The following GALNT17 variants were observed in gnomAD, a reference collection of about 807,000 sequenced individuals.
GALNT17 encodes the protein UDP-GalNAc:polypeptide N-acetylgalactosaminyltransferase-like 3.
GALNT17 carries 29 observed loss-of-function variants against 63.7 expected under a neutral mutation model. That is an observed-to-expected ratio of 0.46 (90% CI 0.34 to 0.62). The LOEUF (loss-of-function observed/expected upper bound fraction) is 0.62, where lower values mean the gene tolerates loss of function less well. GALNT17 is among the 20% of genes least tolerant of loss of function. The pLI is 0.01. For synonymous variants in GALNT17, 305 were observed against 318.3 expected (o/e 0.96, Z 0.45); for missense variants, 603 against 799.6 (o/e 0.75, Z 2.97).
chr7:71,271,949 G>C (rs544500506), intron 1 of GALNT17, among the ~76,000 whole-genome samples: 1 of 152,136 alleles, frequency 6.6e-6, no homozygotes, highest in Non-Finnish European at 1.5e-5. Context: ...TGTAGAGATG[G>C]GGTCTCCCTA....
chr7:71,305,125 A>G lies in GALNT17; in HGVS notation c.239-30425A>G, dbSNP rs555359237. On this transcript the variant is annotated intron_variant, in intron 1 of 10. Transcript: ENST00000333538. ...GATGTAGCTATAGATACAATTACAG[A>G]TATAGTTATGGATATATAAAATTAA... is the stretch of plus-strand genomic sequence containing the variant. 5.4e-4 allele frequency among the ~76,000 whole-genome samples: 83 copies of G among 152,328 alleles called. 2 individuals are homozygous for G. In the South Asian group the frequency reaches 0.017, roughly 31 times the overall value.
chr7:71,250,963 C>T (rs1280859200), intron 1 of GALNT17, among the ~76,000 whole-genome samples: 1 of 152,186 alleles, frequency 6.6e-6, no homozygotes, highest in Non-Finnish European at 1.5e-5. Flanking sequence ...GTGTAATAGT[C>T]CTGCTATCTT....
intron 6 of GALNT17, among the ~76,000 whole-genome samples, chr7:71,659,172 C>T (rs535273605): frequency 6.6e-6 from 1 of 152,252 alleles, no homozygotes; most frequent in Non-Finnish European, 1.5e-5. Context: ...CCACTATTCT[C>T]CTCTCTTCCA....
intron 2 of GALNT17, among the ~76,000 whole-genome samples, chr7:71,353,717 C>T: frequency 6.6e-6 from 1 of 152,174 alleles, no homozygotes; most frequent in East Asian, 1.9e-4. Flanking sequence ...GGAAAAAATT[C>T]AGAAGAATGT....
chr7:71,565,823 A>AT (rs35668413), intron 5 of GALNT17, among the ~76,000 whole-genome samples: 2,155 of 143,874 alleles, frequency 0.015, 19 homozygotes, highest in Middle Eastern at 0.027. Context: ...AAGAAGCTGC[A>AT]TTTTTTTTTC....
chr7:71,192,170 G>A (rs1294903085), intron 1 of GALNT17, among the ~76,000 whole-genome samples: 1 of 152,022 alleles, frequency 6.6e-6, no homozygotes, highest in East Asian at 1.9e-4. Flanking sequence ...CAGCAAGTCA[G>A]CCTCTCCCAC....
intron 1 of GALNT17, among the ~76,000 whole-genome samples, chr7:71,211,394 T>C (rs1425226906): frequency 6.6e-6 from 1 of 152,228 alleles, no homozygotes; most frequent in Non-Finnish European, 1.5e-5. Context: ...ATTCTGAGGC[T>C]TCCCCAGCCA....
chr7:71,450,852 G>A lies in GALNT17; in HGVS notation c.962+29747G>A, dbSNP rs375442130. Among the ~76,000 whole-genome samples, 48 of 152,176 alleles carry A rather than the reference G, an allele frequency of 3.2e-4. 2 individuals carry two copies. The South Asian group carries it at 1.0e-2, about 32-fold the overall frequency. On this transcript the variant is annotated intron_variant, in intron 5 of 10. Transcript: ENST00000333538. The stretch of plus-strand genomic sequence containing the variant: ...TTTTCTAAGAGCATTATATAAGCTT[G>A]GAGAAAATGATAAACTTTTAAATTT...
At chr7:71,487,972 A>G (rs1445835909) in intron 5 of GALNT17, among the ~76,000 whole-genome samples, 1 of 152,084 alleles carries the variant, frequency 6.6e-6, no homozygotes, top group Non-Finnish European at 1.5e-5. Context: ...GTTTGAGACC[A>G]GCCTAGACAA....
chr7:71,373,688 T>C (rs1792669620), intron 2 of GALNT17, among the ~76,000 whole-genome samples: 1 of 152,208 alleles, frequency 6.6e-6, no homozygotes, highest in Non-Finnish European at 1.5e-5. Flanking sequence ...TTTCATAGGC[T>C]GCACACTCCT....
chr7:71,690,278 C>A (rs1355287972), intron 9 of GALNT17, among the ~76,000 whole-genome samples: 1 of 151,946 alleles, frequency 6.6e-6, no homozygotes, highest in Non-Finnish European at 1.5e-5. Flanking sequence ...CCCTTCTTGG[C>A]CTCCCAAAGT....
intron 6 of GALNT17, among the ~76,000 whole-genome samples, chr7:71,619,687 T>C: frequency 6.6e-6 from 1 of 152,220 alleles, no homozygotes; most frequent in Non-Finnish European, 1.5e-5. Flanking sequence ...TCAAGGAGCC[T>C]TTTGGCAGAG....
At chr7:71,464,503 C>CT (rs2116590022) in intron 5 of GALNT17, among the ~76,000 whole-genome samples, 1 of 152,242 alleles carries the variant, frequency 6.6e-6, no homozygotes, top group African/African-American at 2.4e-5. Context: ...GGGAAAGGCT[C>CT]TCTTTTGGGA....
At chr7:71,333,314 A>G (rs966232763) in intron 1 of GALNT17, among the ~76,000 whole-genome samples, 2 of 151,990 alleles carry the variant, frequency 1.3e-5, no homozygotes, top group Admixed American at 6.6e-5. Context: ...CACTCATGCC[A>G]TAGCTTGTAT....
At chr7:71,542,084 A>G (rs1788902024) in intron 5 of GALNT17, among the ~76,000 whole-genome samples, 2 of 152,226 alleles carry the variant, frequency 1.3e-5, no homozygotes, top group South Asian at 2.1e-4. Context: ...TTTTTACAGC[A>G]GGGGAACCGG....
chr7:71,686,556 T>TA (rs1323563228), intron 9 of GALNT17, among the ~76,000 whole-genome samples: 1 of 150,228 alleles, frequency 6.7e-6, no homozygotes, highest in Non-Finnish European at 1.5e-5. Flanking sequence ...TTTTTATTTT[T>TA]TTTTTAAATT....
intron 2 of GALNT17, among the ~76,000 whole-genome samples, chr7:71,343,336 C>T (rs1256792852): frequency 1.3e-5 from 2 of 152,334 alleles, no homozygotes; most frequent in African/African-American, 4.8e-5. Context: ...AGGCTAATTT[C>T]ATTGCAATTT....
chr7:71,677,716 C>T (rs1444652129), intron 9 of GALNT17, among the ~76,000 whole-genome samples: 2 of 151,980 alleles, frequency 1.3e-5, no homozygotes, highest in African/African-American at 2.4e-5. Flanking sequence ...GGGGTTTCAC[C>T]GTGTCAGCCA....
At chr7:71,320,321 C>A (rs568424533) in intron 1 of GALNT17, among the ~76,000 whole-genome samples, 8 of 151,988 alleles carry the variant, frequency 5.3e-5, no homozygotes, top group African/African-American at 1.9e-4. Context: ...ACTTCAACCT[C>A]GACCTCTTGG....
Sources: gnomAD v4.1 joint callset for allele counts (sites outside exome capture counted in the v4.1 genomes callset) on GRCh38, gnomAD v4.1.1 for gene constraint, MANE v1.5 for transcripts, NCBI Gene and HGNC (gene_info 2026-07-23, HGNC 2026-07-21) for gene names.